PUS10: variants seen among roughly 807,000 people sequenced by gnomAD.
PUS10 encodes the protein pseudouridine synthase 10.
Under a neutral mutation model 75.0 loss-of-function variants are expected in PUS10, and 59 were observed. The observed-to-expected ratio is 0.79, with a 90% CI of 0.64 to 0.98. The LOEUF is 0.98. PUS10 is among the 50% of genes least tolerant of loss of function. The pLI, the probability that PUS10 is intolerant of heterozygous loss-of-function variation, is 0.00. For synonymous variants in PUS10, 219 were observed against 211.6 expected, an observed-to-expected ratio of 1.03 and a Z score of -0.30; for missense variants, 650 against 614.4, an observed-to-expected ratio of 1.06 and a Z score of -0.61.
At chr2:60,985,783 T>A (rs1677682835) in intron 4 of PUS10, among the ~76,000 whole-genome samples, 2 of 152,102 alleles carry the variant, frequency 1.3e-5, no homozygotes, top group Admixed American at 1.3e-4. Context: ...TACAGAGGTG[T>A]TAGCCACTGC....
At chr2:60,946,027 A>G (rs551920398) in intron 16 of PUS10, among the ~76,000 whole-genome samples, 1 of 152,312 alleles carries the variant, frequency 6.6e-6, no homozygotes, top group South Asian at 2.1e-4. Context: ...TACTCACTCT[A>G]CCTTTGCCAA....
At chr2:61,015,776 G>A (rs1679934443) in intron 1 of PUS10, among the ~76,000 whole-genome samples, 1 of 152,060 alleles carries the variant, frequency 6.6e-6, no homozygotes, top group Non-Finnish European at 1.5e-5. Context: ...CCTTTTCCCA[G>A]CCCATTTAAT....
intron 4 of PUS10, among the ~76,000 whole-genome samples, chr2:60,976,344 T>C (rs1004590978): frequency 3.3e-5 from 5 of 152,346 alleles, no homozygotes; most frequent in African/African-American, 9.6e-5. Flanking sequence ...TTCTGAAACC[T>C]CCCTCTTCAA....
intron 14 of PUS10, 114 bp downstream of exon 14, chr2:60,953,819 T>C (rs1675486284): frequency 6.6e-6 from 5 of 757,436 alleles, no homozygotes; most frequent in Non-Finnish European, 1.1e-5. Flanking sequence ...TCCCCATTTG[T>C]AGTTGTGTTG....
At chr2:61,004,861 C>A (rs1212187180) in intron 4 of PUS10, among the ~76,000 whole-genome samples, 1 of 152,108 alleles carries the variant, frequency 6.6e-6, no homozygotes, top group Non-Finnish European at 1.5e-5. Context: ...CATATTAATT[C>A]TTCAATAATC....
chr2:60,971,530 CCT>C lies in PUS10; in HGVS notation c.494_495del (p.Gln165ArgfsTer13). ...REHAAWLLVK[Q>X]EMGKQSLSLG... ...CCTACCTAAATTACTTACCCCATTT[CCT>C]GTTTTACCAGCAACCATGCAGCATG... On this transcript the variant is annotated frameshift_variant, in exon 5 of 18. Coordinates refer to ENST00000316752, the MANE Select transcript of PUS10 (RefSeq NM_144709.4). LOFTEE classifies it high-confidence loss of function. The C allele has an allele frequency of 1.2e-6, 2 of 1,613,546 alleles. No homozygotes were observed. Among genetic ancestry groups the C allele is most frequent in the Non-Finnish European group, 1.7e-6 (2 of 1,179,676 alleles).
rs974794650 is a variant in PUS10 at position 60,941,872 on chromosome 2, A to C, written c.*523T>G. 6.6e-6 allele frequency: 1 copy of C among 152,358 alleles called. No homozygotes were observed. Among genetic ancestry groups the C allele is most frequent in the Non-Finnish European group, 1.5e-5 (1 of 68,040 alleles). 9.4% of individuals were successfully genotyped at this position (152,358 alleles called of 1,614,324 possible). On this transcript the variant is annotated 3_prime_UTR_variant, in exon 18 of 18. Coordinates refer to ENST00000316752, the MANE Select transcript of PUS10 (RefSeq NM_144709.4). ...GACAAATCACAGCCAAAAGAACTTC[A>C]TTGGTAATAGCTTGTTTGAGGCTTC...
chr2:60,960,885 C>T (rs1675990598), intron 10 of PUS10, among the ~76,000 whole-genome samples: 1 of 150,020 alleles, frequency 6.7e-6, no homozygotes, highest in Non-Finnish European at 1.5e-5. Context: ...TGCTTTTACA[C>T]CTGATGAGTA....
chr2:60,991,498 C>G (rs933929658), intron 4 of PUS10, among the ~76,000 whole-genome samples: 1 of 152,066 alleles, frequency 6.6e-6, no homozygotes, highest in African/African-American at 2.4e-5. Flanking sequence ...ACTCTGTCAT[C>G]CAGGATGGAG....
At chr2:60,967,784 C>G (rs934245942) in intron 5 of PUS10, among the ~76,000 whole-genome samples, 171 bp from the exon 6 acceptor site, 2 of 152,014 alleles carry the variant, frequency 1.3e-5, no homozygotes, top group Non-Finnish European at 2.9e-5. Flanking sequence ...AATTCCTCAC[C>G]TCATGGACCT....
intron 15 of PUS10, among the ~76,000 whole-genome samples, chr2:60,952,334 C>CAAA (rs78551218): frequency 2.0e-5 from 2 of 100,466 alleles, no homozygotes; most frequent in Admixed American, 1.1e-4. Context: ...GACTCTGTCT[C>CAAA]AAAAAAAAAA....
At chr2:61,013,309 T>A (rs1290477593) in intron 1 of PUS10, among the ~76,000 whole-genome samples, 1 of 151,216 alleles carries the variant, frequency 6.6e-6, no homozygotes, top group African/African-American at 2.4e-5. Flanking sequence ...ACCTCTCTTG[T>A]CTGACTGTAG....
At chr2:61,016,292 G>C (rs185481742) in intron 1 of PUS10, among the ~76,000 whole-genome samples, 3 of 152,162 alleles carry the variant, frequency 2.0e-5, no homozygotes, top group African/African-American at 7.2e-5. Flanking sequence ...TAATAAACGA[G>C]CTATGAATTT....
chr2:60,962,647 T>C (rs1676102621), intron 9 of PUS10, among the ~76,000 whole-genome samples, 179 bp downstream of exon 9: 2 of 152,000 alleles, frequency 1.3e-5, no homozygotes, highest in Admixed American at 1.3e-4. Context: ...TTGACAAACA[T>C]TTACTGAACA....
rs1169843318 is a variant in PUS10 at position 60,941,572 on chromosome 2, T to C, written c.*823A>G. The C allele has an allele frequency of 6.6e-6, 1 of 152,304 alleles. No homozygotes were observed. The highest frequency in any genetic ancestry group is 1.5e-5 in the Non-Finnish European group (1 of 68,006). 9.4% of individuals were successfully genotyped at this position (152,304 alleles called of 1,614,324 possible). ...TATTAAAATGTTTATAATTGGATAA[T>C]ATATTGAAGCATTCTGAAATAATAC... is the stretch of plus-strand genomic sequence containing the variant. On this transcript the variant is annotated 3_prime_UTR_variant, in exon 18 of 18. Transcript: ENST00000316752.
At chr2:60,955,739 G>C (rs768722947) in intron 11 of PUS10, among the ~76,000 whole-genome samples, 12 of 152,180 alleles carry the variant, frequency 7.9e-5, no homozygotes, top group Non-Finnish European at 5.9e-5. Flanking sequence ...GTAAATGGCA[G>C]AGCTAGGTGT....
chr2:60,959,725 C>T (rs531791130), intron 11 of PUS10, among the ~76,000 whole-genome samples: 50 of 152,268 alleles, frequency 3.3e-4, no homozygotes, highest in African/African-American at 1.2e-3. Flanking sequence ...CAGATATTCT[C>T]GAGTGCCTTG....
intron 10 of PUS10, 37 bp from the exon 11 acceptor site, chr2:60,960,554 GAGTAATTA>G: frequency 6.5e-7 from 1 of 1,534,606 alleles, no homozygotes; most frequent in East Asian, 2.5e-5. Context: ...GGATGGAATG[GAGTAATTA>G]ACATGGTAGG....
chr2:60,956,974 C>CAAAAAAAAAAAA (rs56804354), intron 11 of PUS10, among the ~76,000 whole-genome samples: 4 of 19,246 alleles, frequency 2.1e-4, no homozygotes, highest in African/African-American at 4.7e-4. Flanking sequence ...GACTCCATCT[C>CAAAAAAAAAAAA]AAAAAAAAAA....
Sources: allele counts gnomAD v4.1 joint callset (sites outside exome capture counted in the v4.1 genomes callset), GRCh38; gene constraint gnomAD v4.1.1; transcripts MANE v1.5; gene names NCBI Gene and HGNC (gene_info 2026-07-23, HGNC 2026-07-21).